The following TMX2 variants were observed in gnomAD, a reference collection of about 807,000 sequenced individuals.
TMX2 encodes the protein thioredoxin related transmembrane protein 2, also known as thioredoxin-related transmembrane protein 2.
In TMX2, 20 loss-of-function variants were observed where a neutral mutation model predicts 33.4. The ratio of observed to expected loss-of-function variants is 0.60; its 90% CI spans 0.42 to 0.87. The LOEUF is 0.87. TMX2 is among the 40% of genes least tolerant of loss of function. The pLI, the probability that TMX2 is intolerant of heterozygous loss-of-function variation, is 0.00. For missense variants in TMX2, 340 were observed against 370.7 expected (o/e 0.92, Z 0.68); for synonymous variants, 166 against 140.7 (o/e 1.18, Z -1.27).
chr11:57,736,964 A>C (rs571251436), intron 1 of TMX2, among the ~76,000 whole-genome samples: 11 of 152,264 alleles, frequency 7.2e-5, no homozygotes, highest in Non-Finnish European at 1.5e-4. Context: ...TACCTGGAAA[A>C]GTTTTATTCT....
intron 1 of TMX2, among the ~76,000 whole-genome samples, chr11:57,736,794 A>G (rs901896509): frequency 1.3e-5 from 2 of 151,946 alleles, no homozygotes; most frequent in Non-Finnish European, 2.9e-5. Context: ...AGGTTGAGTC[A>G]GGAGAAACAC....
At chr11:57,725,487 A>G (rs565154875) in intron 1 of TMX2, among the ~76,000 whole-genome samples, 1 of 152,282 alleles carries the variant, frequency 6.6e-6, no homozygotes, top group South Asian at 2.1e-4. Flanking sequence ...TTGTAATCCC[A>G]CCACTTTGGG....
At chr11:57,737,532 C>A in intron 1 of TMX2, 76 bp from the exon 2 acceptor site, 3 of 1,239,396 alleles carry the variant, frequency 2.4e-6, no homozygotes, top group East Asian at 4.7e-5. Flanking sequence ...GTTTTTATTA[C>A]ATATTTAGTT....
In TMX2 at chr11:57,724,021, A is replaced by G. The variant is rs554796009; in HGVS notation, c.189+11214A>G. Among the ~76,000 whole-genome samples, 134 of 152,230 alleles carry G rather than the reference A, an allele frequency of 8.8e-4. 2 individuals are homozygous for G. In the South Asian group the frequency reaches 0.026, roughly 30 times the overall value. ...TATTTAAAACCAAAGGGTGTAATGT[A>G]AAGGAATTGTTCCATTTTGTAGATT... On this transcript the variant is annotated intron_variant, in intron 1 of 7. Coordinates refer to ENST00000278422, the MANE Select transcript of TMX2 (RefSeq NM_015959.4).
At chr11:57,718,615 G>C (rs1374789167) in intron 1 of TMX2, 2 of 356,414 alleles carry the variant, frequency 5.6e-6, no homozygotes, top group Non-Finnish European at 5.2e-6. Flanking sequence ...CTATATCATT[G>C]TTTTCCTCCA....
intron 1 of TMX2, among the ~76,000 whole-genome samples, chr11:57,731,593 C>T (rs547891): frequency 0.68 from 103,482 of 151,708 alleles, 35,562 homozygotes; most frequent in East Asian, 0.89. Flanking sequence ...GTCACTCATA[C>T]TTGCCTCAGA....
intron 1 of TMX2, among the ~76,000 whole-genome samples, chr11:57,730,029 G>A (rs1405037392): frequency 5.3e-5 from 8 of 151,502 alleles, no homozygotes; most frequent in African/African-American, 1.2e-4. Context: ...GCTTGAACCC[G>A]GGAGATGGAG....
intron 1 of TMX2, among the ~76,000 whole-genome samples, chr11:57,715,160 G>A (rs2135447095): frequency 6.6e-6 from 1 of 152,204 alleles, no homozygotes; most frequent in East Asian, 1.9e-4. Flanking sequence ...AGCACTTTGG[G>A]AGGCTGAGGC....
intron 1 of TMX2, among the ~76,000 whole-genome samples, chr11:57,715,586 C>CTTTTTCTTTTT (rs1555014356): frequency 4.6e-5 from 6 of 130,108 alleles, no homozygotes; most frequent in South Asian, 2.4e-4. Flanking sequence ...AATTTGTTTT[C>CTTTTTCTTTTT]TTTTTTTTTT....
chr11:57,725,780 AG>A (rs1947939368), intron 1 of TMX2, among the ~76,000 whole-genome samples: 1 of 151,950 alleles, frequency 6.6e-6, no homozygotes, highest in Non-Finnish European at 1.5e-5. Context: ...CAAATCAAGA[AG>A]GGGGTACTAA....
At chr11:57,730,651 T>A (rs1408857593) in intron 1 of TMX2, among the ~76,000 whole-genome samples, 2 of 151,674 alleles carry the variant, frequency 1.3e-5, no homozygotes, top group Non-Finnish European at 2.9e-5. Context: ...CACAGGAGAA[T>A]CGCTTGAACC....
At chr11:57,717,910 C>T in intron 1 of TMX2, 2 of 634,272 alleles carry the variant, frequency 3.2e-6, no homozygotes, top group Non-Finnish European at 2.8e-6. Flanking sequence ...AAACACGGAA[C>T]CCAAAGGGAA....
At position 57,737,093 on chromosome 11, in the gene TMX2, A is replaced by G. The variant is rs1948795647; in HGVS notation, c.190-515A>G. Among the ~76,000 whole-genome samples the G allele has an allele frequency of 2.6e-5, 4 of 152,124 alleles. 1 individual carries two copies. In the South Asian group the frequency reaches 6.2e-4, roughly 24 times the overall value. On this transcript the variant is annotated intron_variant, in intron 1 of 7. Transcript: ENST00000278422. The stretch of plus-strand genomic sequence containing the variant: ...CCCCCAGTAGCATTTTGAAATAGAT[A>G]CTGTTCAGTTGAGGAAACCAAAGCT...
At chr11:57,717,984 G>A (rs1201623808) in intron 1 of TMX2, 1 of 771,316 alleles carries the variant, frequency 1.3e-6, no homozygotes, top group Non-Finnish European at 2.3e-6. Context: ...GTGCTCTCCT[G>A]AGAGGAGAGC....
intron 1 of TMX2, among the ~76,000 whole-genome samples, chr11:57,719,333 C>G (rs935575292): frequency 1.4e-4 from 21 of 151,456 alleles, no homozygotes; most frequent in Non-Finnish European, 2.8e-4. Context: ...CCGTGCCTGG[C>G]CAATTTTTTT....
At chr11:57,726,877 AT>A (rs1565223280) in intron 1 of TMX2, among the ~76,000 whole-genome samples, 1 of 152,174 alleles carries the variant, frequency 6.6e-6, no homozygotes, top group Non-Finnish European at 1.5e-5. Context: ...TTCAAATAAG[AT>A]TTATCACAGG....
Position 57,734,800 on chromosome 11 carries a change from C to T in TMX2, c.190-2808C>T, listed in dbSNP as rs188351868. ...AAAATAAATAAAATTAATCTTTCCA[C>T]AACTTTCATTCCCAATTCTAACCCA... On this transcript the variant is annotated intron_variant, in intron 1 of 7. Coordinates refer to ENST00000278422, the MANE Select transcript of TMX2 (RefSeq NM_015959.4). Among the ~76,000 whole-genome samples, 924 of 152,078 alleles carry T rather than the reference C, an allele frequency of 6.1e-3. 10 individuals are homozygous for T. The highest frequency in any genetic ancestry group is 0.024 in the Middle Eastern group (7 of 294).
At chr11:57,730,516 C>T (rs903314688) in intron 1 of TMX2, among the ~76,000 whole-genome samples, 1 of 143,370 alleles carries the variant, frequency 7.0e-6, no homozygotes, top group Non-Finnish European at 1.5e-5. Flanking sequence ...GCGGGCAGAT[C>T]ATCTGAGGTC....
chr11:57,718,517 A>G, intron 1 of TMX2: 2 of 767,486 alleles, frequency 2.6e-6, no homozygotes, highest in Non-Finnish European at 4.6e-6. Context: ...GTCAAAGAAC[A>G]CGGGGTTGAC....
Sources: allele counts gnomAD v4.1 joint callset (sites outside exome capture counted in the v4.1 genomes callset), GRCh38; gene constraint gnomAD v4.1.1; transcripts MANE v1.5; gene names NCBI Gene and HGNC (gene_info 2026-07-23, HGNC 2026-07-21).